Variants in DNAH5 observed in about 807,000 individuals in gnomAD.
DNAH5 encodes the protein dynein axonemal heavy chain 5.
DNAH5 carries 372 observed loss-of-function variants against 518.2 expected under a neutral mutation model. That is an observed-to-expected ratio of 0.72 (90% CI 0.66 to 0.78). The LOEUF is 0.78. DNAH5 is among the 30% of genes least tolerant of loss of function. The pLI is 0.00. For missense variants in DNAH5, 5,523 were observed against 5,687.0 expected (o/e 0.97, Z 0.93); for synonymous variants, 2,039 against 2,025.9 (o/e 1.01, Z -0.17).
At chr5:13,922,446 G>A in intron 4 of DNAH5, 118 bp from the exon 5 acceptor site, 1 of 1,101,260 alleles carries the variant, frequency 9.1e-7, no homozygotes, top group Non-Finnish European at 1.3e-6. Context: ...ATTAGTTTGT[G>A]CCAGGTGTGG....
intron 25 of DNAH5, among the ~76,000 whole-genome samples, chr5:13,866,586 TAA>T (rs1769291148): frequency 6.6e-6 from 1 of 152,186 alleles, no homozygotes; most frequent in African/African-American, 2.4e-5. Context: ...GAAGCACATA[TAA>T]AGTCTGCTTT....
chr5:13,949,620 G>C (rs570675393), upstream of DNAH5, among the ~76,000 whole-genome samples: 1 of 152,340 alleles, frequency 6.6e-6, no homozygotes, highest in East Asian at 1.9e-4. Flanking sequence ...GATGCATTTA[G>C]AGTAAACACT....
chr5:13,879,788 G>C (rs1241318413), intron 21 of DNAH5, among the ~76,000 whole-genome samples: 2 of 151,924 alleles, frequency 1.3e-5, no homozygotes, highest in Non-Finnish European at 2.9e-5. Context: ...GAATGAAAAA[G>C]AATGAAGATA....
chr5:13,991,511 G>A (rs2152075096), intron 1 of DNAH5, among the ~76,000 whole-genome samples: 1 of 148,520 alleles, frequency 6.7e-6, no homozygotes, highest in East Asian at 2.0e-4. Flanking sequence ...AGAAGGAGAA[G>A]GAGGAAGAGG....
chr5:14,009,753 G>A (rs553964648), intron 1 of DNAH5, among the ~76,000 whole-genome samples: 2 of 152,272 alleles, frequency 1.3e-5, no homozygotes, highest in African/African-American at 4.8e-5. Context: ...AAGTAAAATG[G>A]GGATTGCTTA....
intron 6 of DNAH5, 199 bp from the exon 7 acceptor site, chr5:13,919,551 G>T: frequency 1.7e-6 from 1 of 601,936 alleles, no homozygotes; most frequent in Non-Finnish European, 2.7e-6. Context: ...TCTTTGAATT[G>T]TTTTAACTGA....
chr5:13,775,147 T>C (rs143880321), intron 55 of DNAH5, among the ~76,000 whole-genome samples: 12 of 151,030 alleles, frequency 7.9e-5, no homozygotes, highest in Non-Finnish European at 1.8e-4. Context: ...TTTTTTTTTT[T>C]CAAATCTTAC....
At chr5:13,974,448 T>C (rs1782094697) in intron 1 of DNAH5, among the ~76,000 whole-genome samples, 1 of 152,202 alleles carries the variant, frequency 6.6e-6, no homozygotes, top group South Asian at 2.1e-4. Flanking sequence ...TTAGAGAATA[T>C]CCCTCTCTAT....
At chr5:13,814,881 A>G (rs775658920) in intron 42 of DNAH5, 35 bp from the exon 43 acceptor site, 35 of 1,607,366 alleles carry the variant, frequency 2.2e-5, no homozygotes, top group Non-Finnish European at 3.4e-6. Context: ...AAAAAAATAC[A>G]TACACTCATG....
At chr5:13,875,167 G>A (rs1770705229) in intron 22 of DNAH5, among the ~76,000 whole-genome samples, 1 of 152,132 alleles carries the variant, frequency 6.6e-6, no homozygotes, top group Admixed American at 6.6e-5. Context: ...AAAAGCAAAT[G>A]CAATAAAAGT....
chr5:13,714,179 G>C (rs1486496030), intron 75 of DNAH5, among the ~76,000 whole-genome samples: 1 of 152,188 alleles, frequency 6.6e-6, no homozygotes, highest in East Asian at 1.9e-4. Context: ...TCAATCATAA[G>C]TATTAACATT....
intron 65 of DNAH5, 76 bp from the exon 66 acceptor site, chr5:13,737,571 A>C: frequency 6.7e-7 from 1 of 1,493,262 alleles, no homozygotes; most frequent in Non-Finnish European, 9.2e-7. Flanking sequence ...GTTAACCTAC[A>C]TGGCTGCTTT....
At chr5:13,903,801 G>C (rs1377539626) in intron 12 of DNAH5, among the ~76,000 whole-genome samples, 1 of 151,876 alleles carries the variant, frequency 6.6e-6, no homozygotes, top group Non-Finnish European at 1.5e-5. Flanking sequence ...TAGGCATTTG[G>C]GTGTAAAGAC....
intron 61 of DNAH5, among the ~76,000 whole-genome samples, chr5:13,755,489 T>C (rs1750875078): frequency 6.6e-6 from 1 of 152,240 alleles, no homozygotes; most frequent in Non-Finnish European, 1.5e-5. Context: ...TATTATGATA[T>C]GAATAATAAC....
intron 1 of DNAH5, among the ~76,000 whole-genome samples, chr5:13,979,842 GTT>G (rs397883750): frequency 7.4e-5 from 10 of 135,816 alleles, no homozygotes; most frequent in African/African-American, 2.2e-4. Context: ...GTTTTTTGGG[GTT>G]TTTTTTTTTT....
chr5:13,966,655 C>A (rs931170177), intron 1 of DNAH5, among the ~76,000 whole-genome samples: 3 of 152,044 alleles, frequency 2.0e-5, no homozygotes, highest in African/African-American at 7.2e-5. Context: ...ATTTGTATAT[C>A]TTCTTTTGAG....
At chr5:13,988,879 A>C (rs1303941304) in intron 1 of DNAH5, among the ~76,000 whole-genome samples, 1 of 151,296 alleles carries the variant, frequency 6.6e-6, no homozygotes, top group Non-Finnish European at 1.5e-5. Context: ...GGTGCCTGCC[A>C]CTATGCCCAG....
At chr5:13,790,029 T>C (rs116105203) in intron 50 of DNAH5, among the ~76,000 whole-genome samples, 1 of 152,116 alleles carries the variant, frequency 6.6e-6, no homozygotes, top group South Asian at 2.1e-4. Flanking sequence ...AGAAAGGCTA[T>C]TATTAAAAAG....
chr5:13,694,239 A>G (rs1244028255), intron 78 of DNAH5, among the ~76,000 whole-genome samples: 1 of 152,226 alleles, frequency 6.6e-6, no homozygotes, highest in East Asian at 1.9e-4. Context: ...GCAGGTAAAA[A>G]TAATTTTCTG....
Sources: allele counts gnomAD v4.1 joint callset (sites outside exome capture counted in the v4.1 genomes callset), GRCh38; gene constraint gnomAD v4.1.1; transcripts MANE v1.5; gene names NCBI Gene and HGNC (gene_info 2026-07-23, HGNC 2026-07-21).